The following RHBDD1 variants were observed in gnomAD, a reference collection of about 807,000 sequenced individuals.
The protein encoded by RHBDD1 is rhomboid domain containing 1, also known as rhomboid-related protein 4.
A neutral mutation model predicts 36.3 loss-of-function variants in RHBDD1; 38 were observed. The observed-to-expected ratio is 1.05, with a 90% confidence interval of 0.81 to 1.37. The LOEUF (loss-of-function observed/expected upper bound fraction) is 1.37. Among genes scored for constraint, RHBDD1 ranks in the 40% most tolerant of loss-of-function variants. The probability of loss-of-function intolerance (pLI) is 0.00; values close to 1 mark genes in which losing one functional copy is unlikely to be tolerated. For synonymous variants in RHBDD1, 151 were observed against 136.5 expected (o/e 1.11, Z -0.74); for missense variants, 393 against 377.6 (o/e 1.04, Z -0.34).
Position 226,946,317 on chromosome 2 carries a change from AT to A in RHBDD1, c.856+31974del, listed in dbSNP as rs999482557. 9.2e-5 allele frequency among the ~76,000 whole-genome samples: 14 copies of A among 151,590 alleles called. 1 individual carries two copies. The South Asian group carries it at 1.3e-3, about 14-fold the overall frequency. ...TAAGTCTTTAATCCATCTTGAGTTA[AT>A]TTTTTTTGTCAAGTTTGTCAAAGAT... is the stretch of plus-strand genomic sequence containing the variant. On this transcript the variant is annotated intron_variant, in intron 8 of 8. Coordinates refer to ENST00000392062, the MANE Select transcript of RHBDD1 (RefSeq NM_001167608.3).
chr2:226,876,173 C>T (rs927877087), intron 5 of RHBDD1, among the ~76,000 whole-genome samples: 44 of 152,260 alleles, frequency 2.9e-4, no homozygotes, highest in Admixed American at 2.0e-3. Flanking sequence ...AATGGACACA[C>T]GGCTTTGGTT....
chr2:226,867,712 T>C, intron 5 of RHBDD1: 4 of 918,292 alleles, frequency 4.4e-6, no homozygotes, highest in Non-Finnish European at 3.9e-6. Context: ...ATGCTTTTTA[T>C]TATTATTATT....
chr2:226,980,419 C>T (rs566522284), intron 8 of RHBDD1, among the ~76,000 whole-genome samples: 3 of 152,236 alleles, frequency 2.0e-5, no homozygotes, highest in African/African-American at 7.2e-5. Context: ...GAAGAGAAAA[C>T]GGGAGATTTG....
Position 226,904,877 on chromosome 2 carries a change from G to A in RHBDD1, c.567-1916G>A, listed in dbSNP as rs1320763342. On this transcript the variant is annotated intron_variant, in intron 5 of 8. Coordinates refer to ENST00000392062, the MANE Select transcript of RHBDD1 (RefSeq NM_001167608.3). The stretch of plus-strand genomic sequence containing the variant: ...GCGGATTCTTAGCTCTGTGATTGCC[G>A]TGGCTCAGCAAGCACCCTGAGCTGA... Among the ~76,000 whole-genome samples, 6 of 152,068 alleles carry A rather than the reference G, an allele frequency of 3.9e-5. 1 individual carries two copies. Among genetic ancestry groups the A allele is most frequent in the South Asian group, 4.1e-4 (2 of 4,822 alleles).
chr2:226,838,990 G>A (rs1574724693), intron 2 of RHBDD1, among the ~76,000 whole-genome samples: 2 of 152,302 alleles, frequency 1.3e-5, no homozygotes, highest in East Asian at 3.9e-4. Context: ...ATGAGACCTC[G>A]TTGAAGGTAT....
At position 226,940,298 on chromosome 2, in the gene RHBDD1, GA is replaced by G. The variant is rs1377723958; in HGVS notation, c.856+25953del. On this transcript the variant is annotated intron_variant, in intron 8 of 8. Transcript: ENST00000392062. ...AGCAGTTGCAACAAAAGTGACGCTT[GA>G]AAAAAGGATCTAAAAGAGCTTCTGC... Among the ~76,000 whole-genome samples the G allele has an allele frequency of 2.0e-5, 3 of 152,018 alleles. 1 individual carries two copies. The highest frequency in any genetic ancestry group is 4.8e-5 in the African/African-American group (2 of 41,434).
At chr2:226,988,130 C>T (rs1166537898) in intron 8 of RHBDD1, among the ~76,000 whole-genome samples, 1 of 152,150 alleles carries the variant, frequency 6.6e-6, no homozygotes, top group African/African-American at 2.4e-5. Context: ...CTATTTTGAG[C>T]TCAGTGTATT....
At chr2:226,881,424 C>G (rs1220983548) in intron 5 of RHBDD1, among the ~76,000 whole-genome samples, 1 of 152,164 alleles carries the variant, frequency 6.6e-6, no homozygotes, top group Non-Finnish European at 1.5e-5. Context: ...GATAGAGAAG[C>G]CTCCTTTTTA....
At chr2:226,830,064 A>G in the RHBDD1 span, among the ~76,000 whole-genome samples, 29 of 152,000 alleles carry the variant, frequency 1.9e-4, no homozygotes, top group South Asian at 4.8e-3. Context: ...TATCATAAAT[A>G]TGTGTTGGAT....
the RHBDD1 span, among the ~76,000 whole-genome samples, chr2:226,829,650 A>G: frequency 6.6e-6 from 1 of 152,152 alleles, no homozygotes; most frequent in Non-Finnish European, 1.5e-5. Flanking sequence ...TTATTTTCAG[A>G]CTGCTAATTT....
chr2:226,995,039 C>A (rs1034823980), intron 8 of RHBDD1, among the ~76,000 whole-genome samples: 1 of 151,844 alleles, frequency 6.6e-6, no homozygotes, highest in African/African-American at 2.4e-5. Context: ...TCAGAAGAAG[C>A]CAAACCAGCC....
At chr2:226,957,307 T>C (rs748356430) in intron 8 of RHBDD1, among the ~76,000 whole-genome samples, 1 of 152,300 alleles carries the variant, frequency 6.6e-6, no homozygotes, top group African/African-American at 2.4e-5. Flanking sequence ...GAAGAAAATA[T>C]AGATGGACAT....
chr2:226,899,681 C>T (rs1035833136), intron 5 of RHBDD1, among the ~76,000 whole-genome samples: 2 of 152,184 alleles, frequency 1.3e-5, no homozygotes, highest in African/African-American at 4.8e-5. Context: ...TTCCAACTGA[C>T]AGTACATTTA....
chr2:226,887,832 G>C (rs1052536281), intron 5 of RHBDD1, among the ~76,000 whole-genome samples: 1 of 152,204 alleles, frequency 6.6e-6, no homozygotes, highest in Non-Finnish European at 1.5e-5. Flanking sequence ...AATTAAAAAT[G>C]AATACTATCT....
chr2:226,928,115 A>G lies in RHBDD1; in HGVS notation c.856+13764A>G, dbSNP rs192634686. On this transcript the variant is annotated intron_variant, in intron 8 of 8. Coordinates refer to ENST00000392062, the MANE Select transcript of RHBDD1 (RefSeq NM_001167608.3). ...TAGCCCATTTTGAGTTAGTTTTTAT[A>G]TAAGATGTGAGGTATGAACCAAAGT... Among the ~76,000 whole-genome samples, 484 of 152,198 alleles carry G rather than the reference A, an allele frequency of 3.2e-3. 10 individuals are homozygous for G. In the South Asian group the frequency reaches 0.043, roughly 13 times the overall value.
At chr2:226,936,313 A>C (rs1291153373) in intron 8 of RHBDD1, among the ~76,000 whole-genome samples, 1 of 152,152 alleles carries the variant, frequency 6.6e-6, no homozygotes, top group African/African-American at 2.4e-5. Context: ...ATAAAATTGT[A>C]CTTATATCTT....
At chr2:226,907,786 A>G (rs2396433) in intron 6 of RHBDD1, among the ~76,000 whole-genome samples, 66,183 of 151,978 alleles carry the variant, frequency 0.44, 14,584 homozygotes, top group South Asian at 0.5. Flanking sequence ...TCATTTTCCC[A>G]CGTTTGCTTA....
chr2:226,962,133 C>G (rs1167424357), intron 8 of RHBDD1, among the ~76,000 whole-genome samples: 1 of 152,160 alleles, frequency 6.6e-6, no homozygotes, highest in Non-Finnish European at 1.5e-5. Flanking sequence ...TTTCCTTATC[C>G]TTGCTGCAGT....
intron 8 of RHBDD1, among the ~76,000 whole-genome samples, chr2:226,962,505 G>A (rs575469419): frequency 2.0e-5 from 3 of 152,286 alleles, no homozygotes; most frequent in East Asian, 1.9e-4. Flanking sequence ...GAATTTAATC[G>A]CAGTCTAGTC....
Sources: gnomAD v4.1 joint callset for allele counts (sites outside exome capture counted in the v4.1 genomes callset) on GRCh38, gnomAD v4.1.1 for gene constraint, MANE v1.5 for transcripts, NCBI Gene and HGNC (gene_info 2026-07-23, HGNC 2026-07-21) for gene names.